ARMC9: variants seen among roughly 807,000 people sequenced by gnomAD.
The protein encoded by ARMC9 is lisH domain-containing protein ARMC9.
Under a neutral mutation model 107.0 loss-of-function variants are expected in ARMC9, and 94 were observed. That is an observed-to-expected ratio of 0.88 (90% CI 0.74 to 1.04). The LOEUF is 1.04. Ranked by LOEUF, ARMC9 falls within the 50% of genes least tolerant of loss-of-function variation. The pLI, the probability that ARMC9 is intolerant of heterozygous loss-of-function variation, is 0.00. For synonymous variants in ARMC9, 380 were observed against 396.9 expected (o/e 0.96, Z 0.51); for missense variants, 942 against 1,030.1 (o/e 0.91, Z 1.17).
chr2:231,369,754 C>T (rs1460170313), intron 23 of ARMC9, among the ~76,000 whole-genome samples, 199 bp from the exon 24 acceptor site: 1 of 151,558 alleles, frequency 6.6e-6, no homozygotes, highest in Non-Finnish European at 1.5e-5. Flanking sequence ...CCACCGCGCC[C>T]GGCTAATTTT....
At chr2:231,339,468 C>T (rs1228067898) in intron 20 of ARMC9, among the ~76,000 whole-genome samples, 2 of 152,140 alleles carry the variant, frequency 1.3e-5, no homozygotes, top group African/African-American at 4.8e-5. Flanking sequence ...TGATGTCACT[C>T]TGTCACCCAG....
intron 17 of ARMC9, among the ~76,000 whole-genome samples, chr2:231,286,962 C>T (rs2040635806): frequency 6.6e-6 from 1 of 152,170 alleles, no homozygotes; most frequent in African/African-American, 2.4e-5. Flanking sequence ...GCCCTAATAC[C>T]CACTCCCCAG....
intron 9 of ARMC9, among the ~76,000 whole-genome samples, chr2:231,253,538 CTG>C (rs946992201): frequency 1.3e-4 from 19 of 151,866 alleles, no homozygotes; most frequent in African/African-American, 4.6e-4. Flanking sequence ...CAGAGTGAGA[CTG>C]TGTCTCAAAA....
chr2:231,318,343 T>G (rs1434010221), intron 19 of ARMC9, among the ~76,000 whole-genome samples: 2 of 152,204 alleles, frequency 1.3e-5, no homozygotes, highest in Non-Finnish European at 2.9e-5. Context: ...CTTCTGCTGC[T>G]TGAGCTGTGT....
chr2:231,278,548 G>C, intron 16 of ARMC9, 90 bp downstream of exon 16: 1 of 1,149,706 alleles, frequency 8.7e-7, no homozygotes, highest in Non-Finnish European at 1.3e-6. Flanking sequence ...GCTGGCCCAG[G>C]ATGGTTGCTG....
intron 19 of ARMC9, among the ~76,000 whole-genome samples, chr2:231,312,544 AAACCGTTTGAAGAT>A (rs2042414263): frequency 2.6e-5 from 4 of 152,104 alleles, no homozygotes; most frequent in African/African-American, 9.7e-5. Context: ...TTCTCCGAAC[AAACCGTTTGAAGAT>A]AGTCTTTGTG....
intron 19 of ARMC9, among the ~76,000 whole-genome samples, chr2:231,305,161 A>G (rs1182436791): frequency 2.0e-5 from 3 of 152,244 alleles, no homozygotes; most frequent in African/African-American, 7.2e-5. Flanking sequence ...GGACAGCCTT[A>G]AATGAAACTC....
rs1306321336 is a variant in ARMC9, at chr2:231,240,050, C to T, written c.879+9C>T. Reference sequence around the variant, plus strand: ...TCACGAGGCCTGGGACGGTGAGGCTCTGCGCTCAGGGCAGGGTGCCCGTGG... The same window carrying T: ...TCACGAGGCCTGGGACGGTGAGGCTTTGCGCTCAGGGCAGGGTGCCCGTGG... On this transcript the variant is annotated intron_variant, in intron 9 of 24. Transcript: ENST00000611582. 2 of 1,609,540 alleles carry T rather than the reference C, an allele frequency of 1.2e-6. No individual in the cohort carries two copies. The highest frequency in any genetic ancestry group is 1.1e-5 in the South Asian group (1 of 90,450).
intron 1 of ARMC9, among the ~76,000 whole-genome samples, chr2:231,205,301 T>C (rs1278149816): frequency 1.3e-5 from 2 of 152,078 alleles, no homozygotes; most frequent in Non-Finnish European, 2.9e-5. Context: ...ACCCAGGAGT[T>C]TTAGCTTGCA....
chr2:231,276,815 G>A, intron 15 of ARMC9, 40 bp downstream of exon 15: 1 of 1,609,256 alleles, frequency 6.2e-7, no homozygotes, highest in Non-Finnish European at 8.5e-7. Flanking sequence ...AGAAGGGGAA[G>A]AGATCTTGAC....
rs77588774 is a variant in ARMC9 at position 231,235,036 on chromosome 2, G to A, written c.623-188G>A. ...CCTGAAAAGGAAATTTTAAGTCAGTGTGGTTACAAAGCACTATGTAAATAA... is the reference window on the plus strand; with the variant it reads ...CCTGAAAAGGAAATTTTAAGTCAGTATGGTTACAAAGCACTATGTAAATAA... On this transcript the variant is annotated intron_variant, in intron 7 of 24. Transcript: ENST00000611582. Among the ~76,000 whole-genome samples, 280 of 152,388 alleles carry A rather than the reference G, an allele frequency of 1.8e-3. 1 individual carries two copies. The highest frequency in any genetic ancestry group is 6.2e-3 in the African/African-American group (257 of 41,602).
rs1026083443 is a variant in ARMC9, at chr2:231,297,566, A to G, written c.1773+1313A>G. The stretch of plus-strand genomic sequence containing the variant: ...AACGTGGCTGTGTTCCTGTAAAACT[A>G]TTTATGGACGCTAAAAATTTGAATT... On this transcript the variant is annotated intron_variant, in intron 19 of 24. Transcript: ENST00000611582. The surrounding 1 kb of genome is among the most constrained non-coding windows in gnomAD (Gnocchi z 4.2). Among the ~76,000 whole-genome samples the G allele has an allele frequency of 1.3e-5, 2 of 152,208 alleles. No individual in the cohort carries two copies. Among genetic ancestry groups the G allele is most frequent in the South Asian group, 2.1e-4 (1 of 4,834 alleles).
At chr2:231,356,039 C>T (rs2045333290) in intron 22 of ARMC9, 105 bp downstream of exon 22, 1 of 1,394,052 alleles carries the variant, frequency 7.2e-7, no homozygotes, top group Non-Finnish European at 9.5e-7. Flanking sequence ...CCTGGGAAGC[C>T]CTCTGGTCTC....
chr2:231,363,800 G>A (rs948032850), intron 23 of ARMC9, among the ~76,000 whole-genome samples: 6 of 146,822 alleles, frequency 4.1e-5, no homozygotes, highest in Admixed American at 2.1e-4. Context: ...CAGGAGAATC[G>A]CTTGAACTGG....
At chr2:231,210,127 G>A (rs1250464913) in intron 3 of ARMC9, among the ~76,000 whole-genome samples, 1 of 152,230 alleles carries the variant, frequency 6.6e-6, no homozygotes, top group Admixed American at 6.5e-5. Flanking sequence ...CCAGTGGCCT[G>A]GCATGGGCGC....
chr2:231,357,295 C>T (rs2045382345), intron 22 of ARMC9, among the ~76,000 whole-genome samples: 1 of 152,178 alleles, frequency 6.6e-6, no homozygotes, highest in African/African-American at 2.4e-5. Context: ...GCCCACCAGC[C>T]CCCAGATGGA....
At chr2:231,280,851 C>G (rs1346477329) in intron 16 of ARMC9, among the ~76,000 whole-genome samples, 1 of 152,126 alleles carries the variant, frequency 6.6e-6, no homozygotes, top group African/African-American at 2.4e-5. Context: ...ATCGTGCTGC[C>G]CCAGAAACAT....
At chr2:231,307,210 G>A (rs569889701) in intron 19 of ARMC9, among the ~76,000 whole-genome samples, 3 of 152,342 alleles carry the variant, frequency 2.0e-5, no homozygotes, top group East Asian at 3.9e-4. Flanking sequence ...GCACTGGGGT[G>A]GAGCAAGAGG....
At position 231,374,846 on chromosome 2, in the gene ARMC9, T is replaced by C. The variant is rs1159878328; in HGVS notation, c.*3311T>C. On this transcript the variant is annotated 3_prime_UTR_variant, in exon 25 of 25. Coordinates refer to ENST00000611582, the MANE Select transcript of ARMC9 (RefSeq NM_001352754.2). Reference sequence around the variant, plus strand: ...TACATCATGTGTCTTCATTACTGAGTTTTGGGGTAGCCCTTTAAATTTTGT... The same window carrying C: ...TACATCATGTGTCTTCATTACTGAGCTTTGGGGTAGCCCTTTAAATTTTGT... 6.6e-6 allele frequency: 1 copy of C among 152,138 alleles called. No individual in the cohort carries two copies. Among genetic ancestry groups the C allele is most frequent in the Non-Finnish European group, 1.5e-5 (1 of 68,034 alleles). The allele number at this position is 152,138 out of a possible 1,614,324, so 9.4% of individuals were successfully genotyped here. A position where few individuals can be genotyped will look rare whatever the true frequency, so the allele number is the denominator to read the frequency against.
Sources: gnomAD v4.1 joint callset for allele counts (sites outside exome capture counted in the v4.1 genomes callset) on GRCh38, gnomAD v4.1.1 for gene constraint, Gnocchi (gnomAD v3.1) non-coding constraint, MANE v1.5 for transcripts, NCBI Gene and HGNC (gene_info 2026-07-23, HGNC 2026-07-21) for gene names.